Variants in ST3GAL6 observed in about 807,000 individuals in gnomAD.
ST3GAL6 encodes ST3 beta-galactoside alpha-2,3-sialyltransferase 6, also known as type 2 lactosamine alpha-2,3-sialyltransferase.
In ST3GAL6, 31 loss-of-function variants were observed where a neutral mutation model predicts 40.5. The observed-to-expected ratio is 0.77, with a 90% confidence interval of 0.58 to 1.03. The LOEUF is 1.03. Among genes scored for constraint, ST3GAL6 ranks in the 50% least tolerant of loss-of-function variants. ST3GAL6 has a pLI of 0.00. For missense variants in ST3GAL6, 357 were observed against 393.2 expected, an observed-to-expected ratio of 0.91 and a Z score of 0.78; for synonymous variants, 129 against 136.9, an observed-to-expected ratio of 0.94 and a Z score of 0.40.
chr3:98,748,759 C>T (rs1325670649), intron 1 of ST3GAL6, among the ~76,000 whole-genome samples: 1 of 152,204 alleles, frequency 6.6e-6, no homozygotes, highest in East Asian at 1.9e-4. Context: ...AGCCACCGCG[C>T]CTGGCCTGCG....
chr3:98,755,084 G>A (rs1937320941), intron 1 of ST3GAL6, among the ~76,000 whole-genome samples: 1 of 152,126 alleles, frequency 6.6e-6, no homozygotes, highest in African/African-American at 2.4e-5. Context: ...GTCTCGCTCT[G>A]TCGCCCAGCC....
chr3:98,733,246 C>T (rs1462711826), intron 1 of ST3GAL6: 2 of 976,492 alleles, frequency 2.0e-6, no homozygotes, highest in Non-Finnish European at 2.4e-6. Flanking sequence ...GCGCCGCAGC[C>T]ACCGCCGAGA....
At chr3:98,778,221 A>G (rs1022340825) in intron 5 of ST3GAL6, among the ~76,000 whole-genome samples, 7 of 152,220 alleles carry the variant, frequency 4.6e-5, no homozygotes, top group African/African-American at 1.4e-4. Context: ...TGCCTGCTAA[A>G]TGGACAAGGA....
At chr3:98,785,109 C>T in intron 6 of ST3GAL6, 69 bp downstream of exon 6, 2 of 1,103,032 alleles carry the variant, frequency 1.8e-6, no homozygotes, top group African/African-American at 1.6e-5. Flanking sequence ...CTTAATACAG[C>T]TGTGTTTTGA....
At chr3:98,734,509 TC>T (rs1478901240) in intron 1 of ST3GAL6, among the ~76,000 whole-genome samples, 1 of 152,152 alleles carries the variant, frequency 6.6e-6, no homozygotes, top group Non-Finnish European at 1.5e-5. Flanking sequence ...GGAGGGGAGA[TC>T]TTCATTCCTT....
chr3:98,769,078 A>G (rs1289165179), intron 2 of ST3GAL6, among the ~76,000 whole-genome samples: 1 of 152,218 alleles, frequency 6.6e-6, no homozygotes, highest in African/African-American at 2.4e-5. Flanking sequence ...TTGGCTAGGA[A>G]AAAAGTTTTG....
At chr3:98,793,301 A>G (rs780924792) in intron 9 of ST3GAL6, among the ~76,000 whole-genome samples, 7 of 152,234 alleles carry the variant, frequency 4.6e-5, no homozygotes, top group Non-Finnish European at 5.9e-5. Context: ...CAGGCATTAT[A>G]ATAGTTTATC....
intron 1 of ST3GAL6, among the ~76,000 whole-genome samples, chr3:98,746,441 C>T (rs1291447508): frequency 6.6e-6 from 1 of 151,986 alleles, no homozygotes. Flanking sequence ...GGATTGCGTA[C>T]ACTTCTGTAG....
chr3:98,733,205 T>C (rs149263714), intron 1 of ST3GAL6: 24,513 of 935,878 alleles, frequency 0.026, 404 homozygotes, highest in Non-Finnish European at 0.029. Context: ...AAAGGGACCA[T>C]GGGCGCTGGG....
chr3:98,790,531 G>GA (rs1307871056), intron 8 of ST3GAL6, among the ~76,000 whole-genome samples: 2 of 152,190 alleles, frequency 1.3e-5, no homozygotes, highest in Non-Finnish European at 2.9e-5. Context: ...ATCTTGGAGA[G>GA]TAGGAATGGA....
intron 8 of ST3GAL6, 127 bp from the exon 9 acceptor site, chr3:98,791,714 G>A (rs1032989047): frequency 1.1e-5 from 9 of 832,760 alleles, no homozygotes; most frequent in African/African-American, 1.7e-5. Context: ...TATAATGAGA[G>A]TTTAGTTATT....
intron 1 of ST3GAL6, among the ~76,000 whole-genome samples, chr3:98,735,238 T>C (rs185563920): frequency 1.1e-3 from 168 of 152,322 alleles, no homozygotes; most frequent in Admixed American, 5.2e-3. Context: ...GGTTTGACTC[T>C]ACCTCTGCCT....
rs149529089 is a variant in ST3GAL6, at chr3:98,765,587, T to C, written c.-12+2148T>C. Among the ~76,000 whole-genome samples, 631 of 152,312 alleles carry C rather than the reference T, an allele frequency of 4.1e-3. 3 individuals carry two copies. Among genetic ancestry groups the C allele is most frequent in the Non-Finnish European group, 6.5e-3 (445 of 68,030 alleles). On this transcript the variant is annotated intron_variant, in intron 1 of 9. Transcript: ENST00000483910. ...TAATTTGGCATATATAGGTTACTTATACATTGGGTTACATATCTTAGTTGG... is the reference window on the plus strand; with the variant it reads ...TAATTTGGCATATATAGGTTACTTACACATTGGGTTACATATCTTAGTTGG...
chr3:98,736,473 A>G (rs979171048), intron 1 of ST3GAL6, among the ~76,000 whole-genome samples: 4 of 152,214 alleles, frequency 2.6e-5, no homozygotes, highest in Non-Finnish European at 5.9e-5. Flanking sequence ...AGATTCCTCC[A>G]GAGGTGGGAG....
chr3:98,756,323 A>C, intron 1 of ST3GAL6: 1 of 1,280,392 alleles, frequency 7.8e-7, no homozygotes, highest in Non-Finnish European at 1.0e-6. Flanking sequence ...TTTCTGGGGC[A>C]GCTGAACCAT....
At chr3:98,773,418 A>G (rs1939202871) in intron 4 of ST3GAL6, 1 of 152,962 alleles carries the variant, frequency 6.5e-6, no homozygotes, top group Admixed American at 6.5e-5. Flanking sequence ...GCTTGTTGAT[A>G]AGTGATTGGC....
upstream of ST3GAL6, chr3:98,763,049 TGAG>T (rs1405456860): frequency 2.0e-6 from 2 of 985,264 alleles, no homozygotes; most frequent in African/African-American, 3.5e-5. Flanking sequence ...GTAAATGAAT[TGAG>T]GAGGACTGAG....
At chr3:98,751,800 A>G (rs1338852652) in intron 1 of ST3GAL6, among the ~76,000 whole-genome samples, 3 of 152,218 alleles carry the variant, frequency 2.0e-5, no homozygotes, top group Non-Finnish European at 4.4e-5. Context: ...AGGATTTACT[A>G]TAAGGTGTTA....
intron 5 of ST3GAL6, among the ~76,000 whole-genome samples, chr3:98,776,932 T>C (rs1939609908): frequency 6.6e-6 from 1 of 152,148 alleles, no homozygotes; most frequent in African/African-American, 2.4e-5. Context: ...AAAATATCAG[T>C]TGTGATTGTA....
Sources: gnomAD v4.1 joint callset for allele counts (sites outside exome capture counted in the v4.1 genomes callset) on GRCh38, gnomAD v4.1.1 for gene constraint, MANE v1.5 for transcripts, NCBI Gene and HGNC (gene_info 2026-07-23, HGNC 2026-07-21) for gene names.